GALNTL6: variants seen among roughly 807,000 people sequenced by gnomAD.
The protein encoded by GALNTL6 is polypeptide N-acetylgalactosaminyltransferase-like 6.
A neutral mutation model predicts 73.7 loss-of-function variants in GALNTL6; 46 were observed. That is an observed-to-expected ratio of 0.62 (90% CI 0.49 to 0.80). The LOEUF is 0.80. GALNTL6 is among the 30% of genes least tolerant of loss of function. The pLI is 0.00. For missense variants in GALNTL6, 604 were observed against 755.0 expected (o/e 0.80, Z 2.34); for synonymous variants, 259 against 263.7 (o/e 0.98, Z 0.17).
intron 5 of GALNTL6, among the ~76,000 whole-genome samples, chr4:172,716,896 G>A (rs1005827571): frequency 6.6e-6 from 1 of 152,102 alleles, no homozygotes; most frequent in Non-Finnish European, 1.5e-5. Flanking sequence ...TTGCATAGTT[G>A]GAGTTTATGT....
At chr4:172,467,072 C>G (rs763135949) in intron 5 of GALNTL6, among the ~76,000 whole-genome samples, 1 of 152,104 alleles carries the variant, frequency 6.6e-6, no homozygotes, top group Non-Finnish European at 1.5e-5. Context: ...ATCAATACAT[C>G]AACTCTTAGG....
At chr4:172,101,034 G>A (rs1732497469) in intron 2 of GALNTL6, among the ~76,000 whole-genome samples, 1 of 152,106 alleles carries the variant, frequency 6.6e-6, no homozygotes, top group Admixed American at 6.6e-5. Flanking sequence ...ATATTGATAG[G>A]CTCATTGGAA....
chr4:172,371,827 G>T (rs996318528), intron 5 of GALNTL6, among the ~76,000 whole-genome samples: 1 of 151,886 alleles, frequency 6.6e-6, no homozygotes, highest in African/African-American at 2.4e-5. Flanking sequence ...CTTTTTGATG[G>T]CTTCAGCAGT....
At chr4:172,054,908 G>A (rs1027760) in intron 2 of GALNTL6, among the ~76,000 whole-genome samples, 148,208 of 152,234 alleles carry the variant, frequency 0.97, 72,264 homozygotes, top group Middle Eastern at 1. Flanking sequence ...ACGGAGAATG[G>A]ATTATTACAA....
chr4:172,375,238 C>T (rs1232319931), intron 5 of GALNTL6, among the ~76,000 whole-genome samples: 2 of 152,152 alleles, frequency 1.3e-5, no homozygotes. Context: ...AGGCATTTCA[C>T]TCTATTTGCC....
chr4:172,899,778 A>G (rs1326027630), intron 8 of GALNTL6, among the ~76,000 whole-genome samples: 9 of 152,246 alleles, frequency 5.9e-5, no homozygotes, highest in East Asian at 3.9e-4. Flanking sequence ...TTGTATGGTT[A>G]TTTCTTGATT....
At chr4:172,633,929 A>G (rs938872458) in intron 5 of GALNTL6, among the ~76,000 whole-genome samples, 2 of 152,232 alleles carry the variant, frequency 1.3e-5, no homozygotes, top group Admixed American at 1.3e-4. Context: ...TTTGCTCATC[A>G]TTCGCCTTCT....
chr4:172,773,486 G>C (rs78290058), intron 5 of GALNTL6, among the ~76,000 whole-genome samples: 1 of 151,968 alleles, frequency 6.6e-6, no homozygotes, highest in African/African-American at 2.4e-5. Context: ...TCTTCATATA[G>C]TTGGTCCTTA....
At chr4:172,020,909 T>C (rs1741377150) in intron 2 of GALNTL6, among the ~76,000 whole-genome samples, 1 of 151,980 alleles carries the variant, frequency 6.6e-6, no homozygotes, top group Non-Finnish European at 1.5e-5. Flanking sequence ...CTCAACAAAA[T>C]ACTAGCAACC....
chr4:172,366,498 GA>G (rs1742566044), intron 5 of GALNTL6, among the ~76,000 whole-genome samples: 1 of 152,122 alleles, frequency 6.6e-6, no homozygotes, highest in Non-Finnish European at 1.5e-5. Flanking sequence ...TATGTTGCCT[GA>G]CTGATTGCCA....
intron 2 of GALNTL6, among the ~76,000 whole-genome samples, chr4:171,957,461 G>A (rs1739084709): frequency 1.3e-5 from 2 of 152,114 alleles, no homozygotes; most frequent in South Asian, 4.1e-4. Flanking sequence ...TAAAATTTAT[G>A]GACAGCCAAC....
chr4:172,821,631 A>T lies in GALNTL6; in HGVS notation c.923+7908A>T, dbSNP rs76561525. Among the ~76,000 whole-genome samples the T allele has an allele frequency of 3.7e-3, 558 of 152,306 alleles. 3 individuals carry two copies. Among genetic ancestry groups the T allele is most frequent in the Non-Finnish European group, 6.1e-3 (412 of 68,026 alleles). On this transcript the variant is annotated intron_variant, in intron 7 of 12. Transcript: ENST00000506823. ...CAGCTTCTGGTCTGTTTATAACAAG[A>T]TCTAATTCAATATTTAACAACTGCA...
chr4:172,817,101 G>A (rs28675787), intron 7 of GALNTL6, among the ~76,000 whole-genome samples: 3,909 of 140,334 alleles, frequency 0.028, 189 homozygotes, highest in African/African-American at 0.095. Flanking sequence ...GCCAGACTCC[G>A]TCTCCAAAAA....
At chr4:172,253,558 A>G (rs934530756) in intron 3 of GALNTL6, among the ~76,000 whole-genome samples, 3 of 151,912 alleles carry the variant, frequency 2.0e-5, no homozygotes, top group African/African-American at 7.2e-5. Flanking sequence ...AAGCCCTGCT[A>G]TTCTTTTACA....
At chr4:172,853,736 G>A (rs144382252) in intron 7 of GALNTL6, among the ~76,000 whole-genome samples, 7 of 152,244 alleles carry the variant, frequency 4.6e-5, no homozygotes, top group African/African-American at 1.7e-4. Flanking sequence ...ATTGTTGAAA[G>A]GGCATTACAA....
At chr4:172,023,461 A>G (rs185995055) in intron 2 of GALNTL6, among the ~76,000 whole-genome samples, 47 of 152,096 alleles carry the variant, frequency 3.1e-4, no homozygotes, top group Middle Eastern at 3.4e-3. Context: ...AAAAAGAACT[A>G]AAATATCAAA....
chr4:172,094,882 C>G (rs944116918), intron 2 of GALNTL6, among the ~76,000 whole-genome samples: 1 of 151,788 alleles, frequency 6.6e-6, no homozygotes, highest in Non-Finnish European at 1.5e-5. Flanking sequence ...TACTGTACAG[C>G]TATATCTTGA....
chr4:172,916,806 A>G (rs1416050369), intron 8 of GALNTL6, among the ~76,000 whole-genome samples: 1 of 151,886 alleles, frequency 6.6e-6, no homozygotes, highest in Non-Finnish European at 1.5e-5. Context: ...CAATATCGTG[A>G]AAATGGCCAT....
chr4:172,593,804 A>G (rs1737747365), intron 5 of GALNTL6, among the ~76,000 whole-genome samples: 1 of 151,892 alleles, frequency 6.6e-6, no homozygotes, highest in Non-Finnish European at 1.5e-5. Context: ...ATCTCAACTC[A>G]CTGCAACCTC....
Sources: gnomAD v4.1 joint callset for allele counts (sites outside exome capture counted in the v4.1 genomes callset) on GRCh38, gnomAD v4.1.1 for gene constraint, MANE v1.5 for transcripts, NCBI Gene and HGNC (gene_info 2026-07-23, HGNC 2026-07-21) for gene names.